Variants in MDGA2 observed in about 807,000 individuals in gnomAD.
The protein encoded by MDGA2 is MAM domain-containing glycosylphosphatidylinositol anchor protein 2.
A neutral mutation model predicts 117.8 loss-of-function variants in MDGA2; 40 were observed. That is an observed-to-expected ratio of 0.34 (90% confidence interval 0.26 to 0.44). The LOEUF (loss-of-function observed/expected upper bound fraction) is 0.44. Ranked by LOEUF, MDGA2 falls within the 20% of genes least tolerant of loss-of-function variation. The pLI is 1.00. For synonymous variants in MDGA2, 452 were observed against 439.0 expected (o/e 1.03, Z -0.37); for missense variants, 1,123 against 1,250.6 (o/e 0.90, Z 1.54).
intron 2 of MDGA2, among the ~76,000 whole-genome samples, chr14:47,291,718 A>C (rs1280805088): frequency 6.6e-6 from 1 of 152,198 alleles, no homozygotes; most frequent in Non-Finnish European, 1.5e-5. Flanking sequence ...CGTACTGCAC[A>C]TCACTAGCCT....
At chr14:46,977,392 A>G (rs1364829878) in intron 8 of MDGA2, among the ~76,000 whole-genome samples, 1 of 151,900 alleles carries the variant, frequency 6.6e-6, no homozygotes. Flanking sequence ...TGCAAGAAAA[A>G]AAATAAAAGA....
chr14:46,860,817 G>A (rs1881477590), intron 14 of MDGA2, among the ~76,000 whole-genome samples: 1 of 151,764 alleles, frequency 6.6e-6, no homozygotes, highest in East Asian at 1.9e-4. Context: ...CTTTCGTAAA[G>A]TTCATATTCT....
At chr14:46,978,502 T>C (rs752921612) in intron 8 of MDGA2, among the ~76,000 whole-genome samples, 1 of 152,060 alleles carries the variant, frequency 6.6e-6, no homozygotes, top group African/African-American at 2.4e-5. Flanking sequence ...ATGATATACT[T>C]CAAAATAGTC....
chr14:47,075,955 C>A (rs1388404936), intron 6 of MDGA2, among the ~76,000 whole-genome samples: 2 of 152,060 alleles, frequency 1.3e-5, no homozygotes, highest in African/African-American at 2.4e-5. Flanking sequence ...TTAAGCTAAA[C>A]ATTTATGACC....
chr14:47,281,724 A>C (rs1888496502), intron 2 of MDGA2, among the ~76,000 whole-genome samples: 1 of 152,180 alleles, frequency 6.6e-6, no homozygotes, highest in Admixed American at 6.5e-5. Context: ...TGAATTCTGT[A>C]ATTTCTTCAG....
At chr14:47,115,644 T>G (rs578184992) in intron 5 of MDGA2, among the ~76,000 whole-genome samples, 44 of 152,130 alleles carry the variant, frequency 2.9e-4, no homozygotes, top group Non-Finnish European at 5.2e-4. Context: ...AGAAAATCAA[T>G]TAATGTGATA....
chr14:46,871,069 A>C (rs1881975803), intron 14 of MDGA2: 2 of 151,946 alleles, frequency 1.3e-5, no homozygotes, highest in Admixed American at 1.3e-4. Flanking sequence ...ATTAACAAAA[A>C]GGAAGAATTA....
chr14:47,540,075 C>T (rs532138735), intron 1 of MDGA2, among the ~76,000 whole-genome samples: 5 of 152,080 alleles, frequency 3.3e-5, no homozygotes, highest in Admixed American at 1.3e-4. Flanking sequence ...TGCGGTGGCA[C>T]GATCTCGGCT....
chr14:47,563,593 T>G (rs956590848), intron 1 of MDGA2, among the ~76,000 whole-genome samples: 3 of 80,806 alleles, frequency 3.7e-5, no homozygotes, highest in South Asian at 1.0e-3. Context: ...TTTTTTTTTT[T>G]TTTTTTTTTT....
At chr14:47,256,573 G>C (rs953768864) in intron 2 of MDGA2, among the ~76,000 whole-genome samples, 1 of 152,100 alleles carries the variant, frequency 6.6e-6, no homozygotes, top group Non-Finnish European at 1.5e-5. Flanking sequence ...CACACTTAAA[G>C]AAGATATGCT....
intron 1 of MDGA2, among the ~76,000 whole-genome samples, chr14:47,360,391 A>AAATAAATT: frequency 8.1e-6 from 1 of 122,932 alleles, no homozygotes; most frequent in Non-Finnish European, 1.8e-5. Context: ...ATAAATAAAT[A>AAATAAATT]AAATAAAATA....
chr14:46,958,976 C>T (rs568839277), intron 8 of MDGA2, among the ~76,000 whole-genome samples: 61 of 152,070 alleles, frequency 4.0e-4, no homozygotes, highest in Admixed American at 1.6e-3. Flanking sequence ...AGGAGTTGTC[C>T]AAATCATCTA....
chr14:47,472,528 C>G (rs990289799), intron 1 of MDGA2, among the ~76,000 whole-genome samples: 1 of 152,152 alleles, frequency 6.6e-6, no homozygotes, highest in Admixed American at 6.6e-5. Flanking sequence ...CGTGGGACCA[C>G]AAGCAGACCT....
chr14:47,582,132 T>G (rs527871737), intron 1 of MDGA2, among the ~76,000 whole-genome samples: 1 of 152,028 alleles, frequency 6.6e-6, no homozygotes, highest in South Asian at 2.1e-4. Flanking sequence ...ACATTAGCTA[T>G]GGTGTTGTTG....
intron 2 of MDGA2, among the ~76,000 whole-genome samples, chr14:47,249,299 G>A (rs1887366148): frequency 2.6e-5 from 4 of 151,920 alleles, no homozygotes; most frequent in Admixed American, 2.6e-4. Flanking sequence ...TTACAGGCAT[G>A]AGTCACCACG....
At chr14:47,130,035 T>G (rs2139144476) in intron 5 of MDGA2, among the ~76,000 whole-genome samples, 1 of 151,724 alleles carries the variant, frequency 6.6e-6, no homozygotes, top group Middle Eastern at 3.4e-3. Flanking sequence ...TCTCCCATTT[T>G]GTAGGTTGCC....
rs574831971 is a variant in MDGA2 at position 47,260,456 on chromosome 14, C to A, written c.420+40955G>T. ...AAGGACACAGAAGTCACCTAAGATACAGAGCTGATAATAAGGTGTGTCCAG... is the reference window on the plus strand; with the variant it reads ...AAGGACACAGAAGTCACCTAAGATAAAGAGCTGATAATAAGGTGTGTCCAG... On this transcript the variant is annotated intron_variant, in intron 2 of 16. Coordinates refer to ENST00000399232, the MANE Select transcript of MDGA2 (RefSeq NM_001113498.3). 2.7e-4 allele frequency among the ~76,000 whole-genome samples: 41 copies of A among 152,112 alleles called. No individual in the cohort carries two copies. In the South Asian group the frequency reaches 8.5e-3, roughly 32 times the overall value.
At chr14:47,455,858 A>G (rs1359014327) in intron 1 of MDGA2, among the ~76,000 whole-genome samples, 1 of 151,864 alleles carries the variant, frequency 6.6e-6, no homozygotes, top group East Asian at 1.9e-4. Context: ...TTAGCCAGGT[A>G]TAGTGGTGGG....
chr14:47,504,788 G>T (rs1405743607), intron 1 of MDGA2, among the ~76,000 whole-genome samples: 1 of 152,138 alleles, frequency 6.6e-6, no homozygotes, highest in Non-Finnish European at 1.5e-5. Context: ...CAGTACGGAA[G>T]TTCCACACAA....
Sources: allele counts gnomAD v4.1 joint callset (sites outside exome capture counted in the v4.1 genomes callset), GRCh38; gene constraint gnomAD v4.1.1; transcripts MANE v1.5; gene names NCBI Gene and HGNC (gene_info 2026-07-23, HGNC 2026-07-21).